Variants in PATJ observed in about 807,000 individuals in gnomAD.
PATJ encodes the protein inaD-like protein.
In PATJ, 190 loss-of-function variants were observed where a neutral mutation model predicts 224.9. The observed-to-expected ratio is 0.84, with a 90% CI of 0.75 to 0.95. PATJ has a LOEUF of 0.95. Ranked by LOEUF, PATJ falls within the 40% of genes least tolerant of loss-of-function variation. PATJ has a pLI of 0.00. For missense variants in PATJ, 2,121 were observed against 2,270.3 expected (o/e 0.93, Z 1.34); for synonymous variants, 769 against 820.3 (o/e 0.94, Z 1.07).
rs68190860 is a variant in PATJ at position 61,778,711 on chromosome 1, T to TAG, written c.849+3387_849+3388dup. On this transcript the variant is annotated intron_variant, in intron 7 of 43. Coordinates refer to ENST00000642238, the MANE Select transcript of PATJ (RefSeq NM_001350145.3). Reference sequence around the variant, plus strand: ...CCACTCTTACTAATATATATATATATAGAGAGAGAGATGGAGTCTTGCTCT... The same window carrying TAG: ...CCACTCTTACTAATATATATATATATAGAGAGAGAGAGATGGAGTCTTGCTCT... Among the ~76,000 whole-genome samples the TAG allele has an allele frequency of 8.4e-4, 128 of 151,580 alleles. 1 individual carries two copies. The highest frequency in any genetic ancestry group is 2.3e-3 in the African/African-American group (97 of 41,342).
intron 27 of PATJ, among the ~76,000 whole-genome samples, chr1:61,949,998 G>A (rs1323529784): frequency 2.6e-5 from 4 of 152,140 alleles, no homozygotes; most frequent in Non-Finnish European, 4.4e-5. Flanking sequence ...TCAAGAGTTC[G>A]AAACCAGCCT....
At chr1:62,051,751 T>C (rs979000579) in intron 31 of PATJ, among the ~76,000 whole-genome samples, 2 of 152,208 alleles carry the variant, frequency 1.3e-5, no homozygotes, top group Non-Finnish European at 1.5e-5. Context: ...CAAAAGATAC[T>C]TAAACTTATC....
intron 3 of PATJ, among the ~76,000 whole-genome samples, chr1:61,763,943 C>G (rs1646115659): frequency 6.6e-6 from 1 of 152,172 alleles, no homozygotes; most frequent in Non-Finnish European, 1.5e-5. Context: ...TAGGCATGAG[C>G]CACCTTGCCC....
chr1:61,748,007 A>G (rs932641476), intron 1 of PATJ, among the ~76,000 whole-genome samples: 4 of 152,138 alleles, frequency 2.6e-5, no homozygotes, highest in African/African-American at 9.7e-5. Context: ...CAGTCTCCCA[A>G]GTAGCTGGGA....
At chr1:62,051,105 A>G (rs764598294) in intron 31 of PATJ, 47 bp downstream of exon 31, 17 of 1,368,824 alleles carry the variant, frequency 1.2e-5, no homozygotes, top group Admixed American at 1.7e-5. Context: ...TTAGGGATGT[A>G]TCACTTATAT....
At chr1:62,150,222 T>C (rs1313061984) in intron 42 of PATJ, among the ~76,000 whole-genome samples, 2 of 152,156 alleles carry the variant, frequency 1.3e-5, no homozygotes, top group Non-Finnish European at 2.9e-5. Context: ...GGGCAATTCA[T>C]CAGTATCTCA....
chr1:61,762,835 A>G, intron 1 of PATJ, 23 bp from the exon 2 acceptor site: 1 of 1,059,314 alleles, frequency 9.4e-7, no homozygotes, highest in Admixed American at 2.3e-5. Context: ...TTCATCTTTT[A>G]TATTGTTAAA....
At position 61,805,513 on chromosome 1, in the gene PATJ, T is replaced by A; in HGVS notation, c.1615T>A (p.Tyr539Asn). The A allele has an allele frequency of 6.3e-7, 1 of 1,580,844 alleles. No homozygotes were observed. Among genetic ancestry groups the A allele is most frequent in the Non-Finnish European group, 8.7e-7 (1 of 1,149,794 alleles). Residue 539 changes from tyrosine (Y) to asparagine (N), a missense_variant, in exon 13 of 44, where the codon TAT becomes AAT. Tyr to Asn is a moderately radical substitution (Grantham distance 143, BLOSUM62 -2). Transcript: ENST00000642238. ...ATGGGAAAACCTGTTGGGTCCTGAT[T>A]ATGAAGTAATGGTATGTTAAAATGC... ...SRWENLLGPD[Y>N]EVMVATLDTQ...
chr1:62,078,433 T>C (rs886643667), intron 31 of PATJ, among the ~76,000 whole-genome samples: 1 of 152,030 alleles, frequency 6.6e-6, no homozygotes, highest in East Asian at 1.9e-4. Context: ...CAGGCATGCA[T>C]CACCACGCCT....
chr1:62,158,940 A>G (rs2149073675), intron 43 of PATJ, among the ~76,000 whole-genome samples: 1 of 152,092 alleles, frequency 6.6e-6, no homozygotes, highest in East Asian at 1.9e-4. Flanking sequence ...CAAGAGTGAA[A>G]CTCCTTCTCA....
At chr1:61,949,944 A>T (rs968879900) in intron 27 of PATJ, among the ~76,000 whole-genome samples, 19 of 151,736 alleles carry the variant, frequency 1.3e-4, no homozygotes, top group African/African-American at 4.4e-4. Context: ...TCATGCCTGT[A>T]ATCCCAGCAC....
chr1:61,922,519 A>G (rs1674486467), intron 26 of PATJ, among the ~76,000 whole-genome samples: 1 of 152,222 alleles, frequency 6.6e-6, no homozygotes, highest in African/African-American at 2.4e-5. Flanking sequence ...TTGAATGAAT[A>G]AAGAGTCCTA....
chr1:61,871,863 T>C (rs1666679555), intron 20 of PATJ, among the ~76,000 whole-genome samples: 1 of 90,076 alleles, frequency 1.1e-5, no homozygotes, highest in African/African-American at 3.5e-5. Context: ...CACGTCTGGC[T>C]TTTTTTTTTT....
intron 27 of PATJ, among the ~76,000 whole-genome samples, chr1:61,949,656 C>T (rs1354495346): frequency 6.6e-6 from 1 of 152,192 alleles, no homozygotes; most frequent in Non-Finnish European, 1.5e-5. Flanking sequence ...CCTGTAATCC[C>T]AGCACTTTGG....
At chr1:61,881,907 C>G (rs994031066) in intron 21 of PATJ, among the ~76,000 whole-genome samples, 2 of 152,158 alleles carry the variant, frequency 1.3e-5, no homozygotes, top group African/African-American at 4.8e-5. Flanking sequence ...GATGCGACTT[C>G]CATTCTAACC....
intron 7 of PATJ, among the ~76,000 whole-genome samples, chr1:61,780,063 A>G (rs1462369347): frequency 6.6e-6 from 1 of 152,182 alleles, no homozygotes; most frequent in Non-Finnish European, 1.5e-5. Flanking sequence ...CCCCACCTCA[A>G]ACAATGGGGA....
At chr1:62,079,897 G>A (rs1558139970) in intron 32 of PATJ, among the ~76,000 whole-genome samples, 1 of 151,854 alleles carries the variant, frequency 6.6e-6, no homozygotes, top group Non-Finnish European at 1.5e-5. Context: ...GCATGGTGGC[G>A]CATGCCTGTA....
chr1:61,984,689 T>C (rs1367567030), intron 27 of PATJ, among the ~76,000 whole-genome samples: 2 of 152,082 alleles, frequency 1.3e-5, no homozygotes, highest in East Asian at 1.9e-4. Context: ...CAGTAGAAAG[T>C]GTAGCTGACC....
intron 19 of PATJ, among the ~76,000 whole-genome samples, chr1:61,862,789 G>A (rs186787737): frequency 6.6e-6 from 1 of 151,642 alleles, no homozygotes; most frequent in Admixed American, 6.6e-5. Flanking sequence ...TTCTTAAAAG[G>A]AATTATACTT....
Sources: gnomAD v4.1 joint callset for allele counts (sites outside exome capture counted in the v4.1 genomes callset) on GRCh38, gnomAD v4.1.1 for gene constraint, MANE v1.5 for transcripts, NCBI Gene and HGNC (gene_info 2026-07-23, HGNC 2026-07-21) for gene names.